The following ZC3H7A variants were observed in gnomAD, a reference collection of about 807,000 sequenced individuals.
ZC3H7A encodes zinc finger CCCH-type containing 7A.
A neutral mutation model predicts 125.5 loss-of-function variants in ZC3H7A; 44 were observed. The observed-to-expected ratio is 0.35, with a 90% CI of 0.28 to 0.45. ZC3H7A has a LOEUF of 0.45. Among genes scored for constraint, ZC3H7A ranks in the 20% least tolerant of loss-of-function variants. The pLI is 1.00. For missense variants in ZC3H7A, 977 were observed against 1,170.7 expected, an observed-to-expected ratio of 0.83 and a Z score of 2.41; for synonymous variants, 399 against 391.2, an observed-to-expected ratio of 1.02 and a Z score of -0.23.
intron 3 of ZC3H7A, 148 bp downstream of exon 3, chr16:11,781,277 T>G (rs1473588693): frequency 1.5e-6 from 1 of 669,386 alleles, no homozygotes; most frequent in Admixed American, 3.0e-5. Context: ...AAAGCTTTAT[T>G]TGCAAAAAAA....
chr16:11,791,271 C>G (rs1282718674), intron 1 of ZC3H7A, among the ~76,000 whole-genome samples: 1 of 152,010 alleles, frequency 6.6e-6, no homozygotes. Context: ...ACACATGAGG[C>G]TCCCGTCACA....
Position 11,751,204 on chromosome 16 carries a change from G to A in ZC3H7A, c.*113C>T, listed in dbSNP as rs979091951. ...CTGTGGGTTGCTGCTCAGGAGGAAC[G>A]ATATACGCCAATACAAGCAGGAAAT... On this transcript the variant is annotated 3_prime_UTR_variant, in exon 23 of 23. Coordinates refer to ENST00000355758, the MANE Select transcript of ZC3H7A (RefSeq NM_014153.4). 3.9e-5 allele frequency: 45 copies of A among 1,168,374 alleles called. 1 individual carries two copies. The highest frequency in any genetic ancestry group is 5.3e-5 in the East Asian group (2 of 37,884). 72.4% of individuals were successfully genotyped at this position (1,168,374 alleles called of 1,614,324 possible). A position where few individuals can be genotyped will look rare whatever the true frequency, so the allele number is the denominator to read the frequency against.
At chr16:11,773,640 T>C (rs1163092191) in intron 9 of ZC3H7A, among the ~76,000 whole-genome samples, 1 of 151,798 alleles carries the variant, frequency 6.6e-6, no homozygotes, top group Non-Finnish European at 1.5e-5. Context: ...CCCAGCACTT[T>C]GGGAGGCCGA....
At chr16:11,753,838 AG>A (rs1249272001) in intron 21 of ZC3H7A, 1 of 152,142 alleles carries the variant, frequency 6.6e-6, no homozygotes, top group Non-Finnish European at 1.5e-5. Flanking sequence ...TTAGTGGAGA[AG>A]GGGTTTCACC....
intron 9 of ZC3H7A, among the ~76,000 whole-genome samples, chr16:11,772,431 A>G (rs1211018088): frequency 6.6e-6 from 1 of 151,680 alleles, no homozygotes; most frequent in Non-Finnish European, 1.5e-5. Flanking sequence ...ATCATATGCT[A>G]TCTATTTGGT....
intron 3 of ZC3H7A, among the ~76,000 whole-genome samples, chr16:11,780,181 G>A (rs909132201): frequency 1.3e-5 from 2 of 151,164 alleles, no homozygotes; most frequent in African/African-American, 4.9e-5. Context: ...GAGTGCAGTG[G>A]CACGATCTCG....
At chr16:11,773,865 A>T (rs1294124165) in intron 9 of ZC3H7A, among the ~76,000 whole-genome samples, 2 of 152,162 alleles carry the variant, frequency 1.3e-5, no homozygotes, top group African/African-American at 4.8e-5. Flanking sequence ...CCTGGGCAAC[A>T]GAGCAAGACT....
intron 11 of ZC3H7A, 33 bp from the exon 12 acceptor site, chr16:11,768,534 A>C (rs759264500): frequency 4.9e-6 from 7 of 1,427,228 alleles, no homozygotes; most frequent in African/African-American, 1.4e-5. Flanking sequence ...AAAAAAAAAA[A>C]CAGCCAACAA....
chr16:11,767,392 C>T, intron 13 of ZC3H7A, 25 bp downstream of exon 13: 1 of 1,476,258 alleles, frequency 6.8e-7, no homozygotes, highest in East Asian at 2.3e-5. Flanking sequence ...GTAATGTATA[C>T]TAATTAAGTA....
At chr16:11,754,198 C>T (rs2052597734) in intron 21 of ZC3H7A, among the ~76,000 whole-genome samples, 2 of 145,172 alleles carry the variant, frequency 1.4e-5, no homozygotes, top group South Asian at 2.2e-4. Flanking sequence ...AGGCTGAGGT[C>T]GGAGGATCAC....
rs771616977 is a variant in ZC3H7A, at chr16:11,776,353, T to C, written c.552A>G (p.Ser184=). ...CCCCATCCCCAGGAACTGATTTTAA[T>C]GAGAGCTGAAATAAAATAAAGACAC... ...IRKAYVRAEL[S]LKSVPGDGAT... The change falls in exon 7 of 23, where the codon TCA becomes TCG. Residue 184 remains serine (S), a synonymous_variant. Transcript: ENST00000355758. 6.2e-7 allele frequency: 1 copy of C among 1,609,112 alleles called. No homozygotes were observed. Among genetic ancestry groups the C allele is most frequent in the African/African-American group, 1.3e-5 (1 of 74,584 alleles).
At chr16:11,751,544 T>C in intron 22 of ZC3H7A, 38 bp from the exon 23 acceptor site, 1 of 1,569,288 alleles carries the variant, frequency 6.4e-7, no homozygotes, top group Non-Finnish European at 8.6e-7. Context: ...TCCATATAAG[T>C]TGTTTCTAAA....
chr16:11,762,851 T>C (rs2052775492), intron 16 of ZC3H7A, 104 bp from the exon 17 acceptor site: 1 of 1,005,142 alleles, frequency 9.9e-7, no homozygotes, highest in East Asian at 2.5e-5. Flanking sequence ...CAATCTATTC[T>C]CATACCTCCT....
intron 20 of ZC3H7A, 81 bp downstream of exon 20, chr16:11,758,350 A>G: frequency 9.6e-7 from 1 of 1,038,536 alleles, no homozygotes; most frequent in Non-Finnish European, 1.5e-6. Context: ...TTCTGTGTTC[A>G]CAGGAAGCTG....
chr16:11,765,802 A>G lies in ZC3H7A; in HGVS notation c.1523-117T>C, dbSNP rs1479963674. 7.7e-6 allele frequency: 7 copies of G among 904,504 alleles called. No homozygotes were observed. The highest frequency in any genetic ancestry group is 1.1e-5 in the Non-Finnish European group (7 of 628,290). 56.0% of individuals were successfully genotyped at this position (904,504 alleles called of 1,614,324 possible). On this transcript the variant is annotated intron_variant, in intron 13 of 22. Coordinates refer to ENST00000355758, the MANE Select transcript of ZC3H7A (RefSeq NM_014153.4). The surrounding 1 kb of genome is among the most constrained non-coding windows in gnomAD (Gnocchi z 4.8). ...AGCCCAGGAGTTCAAGGCTGCGGTG[A>G]GCAATGATCTTGCCACTGCACTCCA...
At chr16:11,781,872 T>C (rs569453173) in intron 2 of ZC3H7A, among the ~76,000 whole-genome samples, 56 of 152,144 alleles carry the variant, frequency 3.7e-4, no homozygotes, top group Non-Finnish European at 6.8e-4. Context: ...TGCCCGGACA[T>C]GTCCATCCAA....
chr16:11,778,841 G>A (rs1004541667), intron 4 of ZC3H7A, among the ~76,000 whole-genome samples: 1 of 152,074 alleles, frequency 6.6e-6, no homozygotes, highest in Non-Finnish European at 1.5e-5. Context: ...AGCCTCCCGG[G>A]CAGCTGGGAC....
chr16:11,756,730 G>C (rs1161382141), intron 20 of ZC3H7A, among the ~76,000 whole-genome samples: 1 of 152,172 alleles, frequency 6.6e-6, no homozygotes, highest in Non-Finnish European at 1.5e-5. Flanking sequence ...CAGTGTCAGA[G>C]CTAGAACCAC....
chr16:11,774,545 A>T, intron 8 of ZC3H7A, 26 bp from the exon 9 acceptor site: 1 of 1,493,560 alleles, frequency 6.7e-7, no homozygotes, highest in Non-Finnish European at 8.9e-7. Context: ...AAATGTACTC[A>T]GTCACTTTCA....
Sources: gnomAD v4.1 joint callset for allele counts (sites outside exome capture counted in the v4.1 genomes callset) on GRCh38, gnomAD v4.1.1 for gene constraint, Gnocchi (gnomAD v3.1) non-coding constraint, MANE v1.5 for transcripts, NCBI Gene and HGNC (gene_info 2026-07-23, HGNC 2026-07-21) for gene names.